Variants in AGAP4 observed in about 807,000 individuals in gnomAD.
AGAP4 encodes arf-GAP with GTPase, ANK repeat and PH domain-containing protein 4.
In AGAP4, 13 loss-of-function variants were observed where a neutral mutation model predicts 60.7. The observed-to-expected ratio is 0.21, with a 90% confidence interval of 0.14 to 0.34. AGAP4 has a LOEUF of 0.34. Among genes scored for constraint, AGAP4 ranks in the 10% least tolerant of loss-of-function variants. The pLI, the probability that AGAP4 is intolerant of heterozygous loss-of-function variation, is 1.00. For synonymous variants in AGAP4, 70 were observed against 339.0 expected, an observed-to-expected ratio of 0.21 and a Z score of 8.72; for missense variants, 169 against 884.0, an observed-to-expected ratio of 0.19 and a Z score of 10.26.
chr10:45,849,932 T>G (rs2059062741), upstream of AGAP4, among the ~76,000 whole-genome samples: 1 of 147,824 alleles, frequency 6.8e-6, no homozygotes, highest in Non-Finnish European at 1.5e-5. Flanking sequence ...TTAAAAGAAT[T>G]TTTTTTTTAT....
At chr10:45,827,454 C>G in intron 7 of AGAP4, 64 bp from the exon 8 acceptor site, 1 of 582,416 alleles carries the variant, frequency 1.7e-6, no homozygotes, top group Non-Finnish European at 3.0e-6. Context: ...GTCCTATAGA[C>G]AGCTCACAAT....
chr10:45,831,805 T>C (rs1352695411), intron 5 of AGAP4, among the ~76,000 whole-genome samples: 4 of 129,042 alleles, frequency 3.1e-5, no homozygotes, highest in Non-Finnish European at 6.7e-5. Flanking sequence ...AGTGGTGCCA[T>C]CTTGACTCCT....
chr10:45,826,882 T>C lies in AGAP4; in HGVS notation c.1094A>G (p.Lys365Arg), dbSNP rs140034862. 3.0e-4 allele frequency: 388 copies of C among 1,274,940 alleles called. 109 individuals carry two copies. Among genetic ancestry groups the C allele is most frequent in the Non-Finnish European group, 4.0e-4 (369 of 923,438 alleles). The allele number at this position is 1,274,940 out of a possible 1,614,324, so 79.0% of individuals were successfully genotyped here. A position where few individuals can be genotyped will look rare whatever the true frequency, so the allele number is the denominator to read the frequency against. ...ISTSKSNGLS[K>R]DMDTGLGDSI... ...GTCACCCAGCCCGGTGTCCATGTCC[T>C]TGGATAGGCCATTGCTTTTAGAGGT... Residue 365 changes from lysine (K) to arginine (R), a missense_variant, in exon 8 of 8, where the codon AAG becomes AGG. Coordinates refer to ENST00000616763, the MANE Select transcript of AGAP4 (RefSeq NM_001276343.3).
intron 4 of AGAP4, among the ~76,000 whole-genome samples, chr10:45,834,916 G>T (rs1564856552): frequency 6.8e-6 from 1 of 147,086 alleles, no homozygotes; most frequent in East Asian, 2.0e-4. Flanking sequence ...TGGGACTACA[G>T]GCGCCCACCA....
chr10:45,854,068 C>G (rs1425280579), upstream of AGAP4: 6 of 318,320 alleles, frequency 1.9e-5, no homozygotes, highest in African/African-American at 1.3e-4. Flanking sequence ...ACAATAGCTA[C>G]GACCTGGGGC....
At chr10:45,836,868 CTT>C (rs1308412888) in intron 4 of AGAP4, among the ~76,000 whole-genome samples, 8 of 121,522 alleles carry the variant, frequency 6.6e-5, no homozygotes, top group Non-Finnish European at 5.0e-5. Flanking sequence ...GGTGGATTAT[CTT>C]TTTTTTTTTT....
chr10:45,837,043 T>G (rs2058830782), intron 4 of AGAP4, among the ~76,000 whole-genome samples: 1 of 141,608 alleles, frequency 7.1e-6, no homozygotes, highest in African/African-American at 2.6e-5. Context: ...ACTTTTGTAT[T>G]TTTAGTAGAG....
intron 4 of AGAP4, among the ~76,000 whole-genome samples, chr10:45,836,982 T>A (rs1379519057): frequency 1.3e-5 from 2 of 148,664 alleles, no homozygotes; most frequent in African/African-American, 2.5e-5. Context: ...TTCTCCTGCC[T>A]CAGCCACCTG....
intron 4 of AGAP4, among the ~76,000 whole-genome samples, chr10:45,836,211 C>T (rs1590025040): frequency 6.6e-6 from 1 of 150,794 alleles, no homozygotes; most frequent in East Asian, 1.9e-4. Flanking sequence ...TTGGTTAGGT[C>T]TATTCCCAAG....
At chr10:45,829,342 TTTG>T (rs2058694624) in intron 6 of AGAP4, among the ~76,000 whole-genome samples, 1 of 146,022 alleles carries the variant, frequency 6.8e-6, no homozygotes, top group African/African-American at 2.6e-5. Context: ...TTTTTTTTTT[TTTG>T]TTTTTAAAGA....
In AGAP4 at chr10:45,838,763, A is replaced by G. The variant is rs1180569752; in HGVS notation, c.396+2890T>C. Among the ~76,000 whole-genome samples the G allele has an allele frequency of 7.9e-5, 12 of 151,798 alleles. 2 individuals carry two copies. The highest frequency in any genetic ancestry group is 3.9e-4 in the East Asian group (2 of 5,178). On this transcript the variant is annotated intron_variant, in intron 4 of 7. Transcript: ENST00000616763. The stretch of plus-strand genomic sequence containing the variant: ...TTTGTTATTTAACCTTTTTGTAGAT[A>G]TGAGGACTTGCGATGTTGACCAGGC...
At chr10:45,842,667 T>C (rs1383093513) in intron 3 of AGAP4, among the ~76,000 whole-genome samples, 2 of 146,076 alleles carry the variant, frequency 1.4e-5, no homozygotes, top group Non-Finnish European at 3.0e-5. Flanking sequence ...ACTTGGGCCA[T>C]GCTTTGTTTC....
Position 45,825,601 on chromosome 10 carries a change from A to C in AGAP4, c.*314T>G, listed in dbSNP as rs1428504310. ...AAAAAGAGGTGCCATGTGTACAAAA[A>C]TCAATGCATATTTATGAACTTTATT... On this transcript the variant is annotated 3_prime_UTR_variant, in exon 8 of 8. Coordinates refer to ENST00000616763, the MANE Select transcript of AGAP4 (RefSeq NM_001276343.3). 1.1e-5 allele frequency: 5 copies of C among 458,812 alleles called. No individual in the cohort carries two copies. The highest frequency in any genetic ancestry group is 7.6e-5 in the Admixed American group (2 of 26,168). 28.4% of individuals were successfully genotyped at this position (458,812 alleles called of 1,614,324 possible). A position where few individuals can be genotyped will look rare whatever the true frequency, so the allele number is the denominator to read the frequency against.
At chr10:45,848,995 G>A (rs1306047232), upstream of AGAP4, 48 of 149,852 alleles carry the variant, frequency 3.2e-4, no homozygotes, top group East Asian at 1.6e-3. Context: ...GGAGGCCAAG[G>A]CAGGTGGATC....
chr10:45,832,427 A>G (rs1232026726), intron 5 of AGAP4, among the ~76,000 whole-genome samples: 2 of 149,310 alleles, frequency 1.3e-5, no homozygotes, highest in Admixed American at 1.3e-4. Context: ...GCACATTAAA[A>G]TCGCCTGAGA....
intron 1 of AGAP4, chr10:45,853,563 T>C (rs2059109056): frequency 8.0e-7 from 1 of 1,242,972 alleles, no homozygotes; most frequent in Non-Finnish European, 1.0e-6. Flanking sequence ...TCAAGAGGTC[T>C]TCACACTATC....
Position 45,834,406 on chromosome 10 carries a change from T to A in AGAP4, c.397-290A>T, listed in dbSNP as rs1179679187. Among the ~76,000 whole-genome samples, 2 of 142,336 alleles carry A rather than the reference T, an allele frequency of 1.4e-5. 1 individual carries two copies. The highest frequency in any genetic ancestry group is 3.0e-5 in the Non-Finnish European group (2 of 66,870). 93.4% of individuals were successfully genotyped at this position (142,336 alleles called of 152,430 possible). On this transcript the variant is annotated intron_variant, in intron 4 of 7. Coordinates refer to ENST00000616763, the MANE Select transcript of AGAP4 (RefSeq NM_001276343.3). ...GAAAAGTCGGCTTCGCGGGGCACGG[T>A]GGCTCACACCTGTAATCCTAGCACT... is the stretch of plus-strand genomic sequence containing the variant.
At chr10:45,844,168 A>T in intron 3 of AGAP4, 158 bp downstream of exon 3, 1 of 627,212 alleles carries the variant, frequency 1.6e-6, no homozygotes, top group Non-Finnish European at 2.7e-6. Context: ...ACATCATAAC[A>T]ACTAAAGGAA....
At chr10:45,844,079 C>T (rs1197496389) in intron 3 of AGAP4, among the ~76,000 whole-genome samples, 1 of 150,424 alleles carries the variant, frequency 6.6e-6, no homozygotes, top group Non-Finnish European at 1.5e-5. Context: ...ATCCATGACT[C>T]CTCCATCACA....
Sources: allele counts gnomAD v4.1 joint callset (sites outside exome capture counted in the v4.1 genomes callset), GRCh38; gene constraint gnomAD v4.1.1; transcripts MANE v1.5; gene names NCBI Gene and HGNC (gene_info 2026-07-23, HGNC 2026-07-21).